Variants in FRMD5 observed in about 807,000 individuals in gnomAD.
FRMD5 encodes FERM domain containing 5.
In FRMD5, 20 loss-of-function variants were observed where a neutral mutation model predicts 69.0. The ratio of observed to expected loss-of-function variants is 0.29; its 90% confidence interval spans 0.20 to 0.42. FRMD5 has a LOEUF of 0.42. FRMD5 is among the 10% of genes least tolerant of loss of function. FRMD5 has a pLI of 1.00. For synonymous variants in FRMD5, 271 were observed against 260.1 expected (o/e 1.04, Z -0.40); for missense variants, 595 against 708.6 (o/e 0.84, Z 1.82).
In FRMD5 at chr15:43,874,065, G is replaced by C. The variant is rs528068782; in HGVS notation, c.1533C>G (p.Leu511=). Residue 511 remains leucine (L), a synonymous_variant, in exon 14 of 14, where the codon CTC becomes CTG. Coordinates refer to ENST00000417257, the MANE Select transcript of FRMD5 (RefSeq NM_032892.5). ...VLRLLLVTMG[L]LFVLLLLLII... ...TCAGGAGGAGGAGCAAAACAAAGAG[G>C]AGTCCCATGGTCACAAGGAGCAAAC... is the stretch of plus-strand genomic sequence containing the variant. The C allele has an allele frequency of 3.2e-5, 52 of 1,614,076 alleles. No individual in the cohort carries two copies. In the South Asian group the frequency reaches 5.7e-4, roughly 18 times the overall value.
chr15:44,164,224 T>A (rs2077670426), intron 1 of FRMD5, among the ~76,000 whole-genome samples: 2 of 152,234 alleles, frequency 1.3e-5, no homozygotes, highest in African/African-American at 2.4e-5. Flanking sequence ...TAATGATAGC[T>A]TAACCTGAAA....
At chr15:44,088,867 G>A (rs1031394486) in intron 1 of FRMD5, among the ~76,000 whole-genome samples, 3 of 152,158 alleles carry the variant, frequency 2.0e-5, no homozygotes, top group African/African-American at 7.2e-5. Context: ...TCTGAACCCT[G>A]TTCAGTCTGA....
intron 1 of FRMD5, among the ~76,000 whole-genome samples, chr15:44,012,733 A>T (rs560801398): frequency 1.3e-5 from 2 of 151,536 alleles, no homozygotes; most frequent in East Asian, 3.9e-4. Flanking sequence ...TTCACCTAAA[A>T]CATTATTGGT....
At chr15:43,893,009 CAGG>C (rs2088828445) in intron 7 of FRMD5, among the ~76,000 whole-genome samples, 1 of 151,624 alleles carries the variant, frequency 6.6e-6, no homozygotes, top group South Asian at 2.1e-4. Context: ...GAGGCTGAGA[CAGG>C]AGAATTGCTT....
rs1194644496 is a variant in FRMD5 at position 43,909,422 on chromosome 15, CA to C, written c.427+459del. Among the ~76,000 whole-genome samples the C allele has an allele frequency of 6.0e-5, 9 of 149,878 alleles. No homozygotes were observed. In the East Asian group the frequency reaches 1.0e-3, roughly 17 times the overall value. ...CTCAAAAAAAACAAAACAAAACAAA[CA>C]AAAAAAACTCTCTAACTTGAACTCT... On this transcript the variant is annotated intron_variant, in intron 5 of 13. Transcript: ENST00000417257.
At chr15:44,030,482 C>T (rs1891632014) in intron 1 of FRMD5, among the ~76,000 whole-genome samples, 1 of 152,166 alleles carries the variant, frequency 6.6e-6, no homozygotes, top group Non-Finnish European at 1.5e-5. Context: ...TTAATGACTT[C>T]AAAGCCCTGG....
chr15:44,052,164 C>T (rs1036291496), intron 1 of FRMD5, among the ~76,000 whole-genome samples: 2 of 152,140 alleles, frequency 1.3e-5, no homozygotes, highest in Non-Finnish European at 2.9e-5. Flanking sequence ...TTTCTAGTCT[C>T]TCCAATTTAT....
intron 8 of FRMD5, among the ~76,000 whole-genome samples, chr15:43,889,848 G>A (rs567775470): frequency 2.6e-5 from 4 of 152,126 alleles, no homozygotes; most frequent in African/African-American, 7.2e-5. Flanking sequence ...CCCCCAAGGC[G>A]GTCTTGTCAT....
intron 1 of FRMD5, among the ~76,000 whole-genome samples, chr15:44,103,586 G>A: frequency 6.6e-6 from 1 of 152,122 alleles, no homozygotes; most frequent in East Asian, 1.9e-4. Context: ...AGTGGGTTTT[G>A]GTACATACAT....
At chr15:44,017,051 T>C (rs1436105572) in intron 1 of FRMD5, among the ~76,000 whole-genome samples, 2 of 151,800 alleles carry the variant, frequency 1.3e-5, no homozygotes, top group Admixed American at 6.6e-5. Context: ...ATTAAAAGCA[T>C]GAACTGGCCG....
chr15:44,171,604 T>C (rs141588202), intron 1 of FRMD5, among the ~76,000 whole-genome samples: 45 of 152,320 alleles, frequency 3.0e-4, no homozygotes, highest in African/African-American at 9.9e-4. Context: ...TTAAAGTATA[T>C]GACAACCTCT....
chr15:43,944,924 A>C (rs1252864735), intron 1 of FRMD5, among the ~76,000 whole-genome samples: 1 of 150,866 alleles, frequency 6.6e-6, no homozygotes, highest in Non-Finnish European at 1.5e-5. Flanking sequence ...GGTTTGATAG[A>C]AACTGTGGGT....
chr15:44,074,118 T>C (rs1893656289), intron 1 of FRMD5, among the ~76,000 whole-genome samples: 1 of 152,178 alleles, frequency 6.6e-6, no homozygotes, highest in African/African-American at 2.4e-5. Flanking sequence ...AAGTCATTTC[T>C]ACCTAACTCC....
At chr15:43,954,016 A>G (rs758151156) in intron 1 of FRMD5, among the ~76,000 whole-genome samples, 9 of 152,202 alleles carry the variant, frequency 5.9e-5, no homozygotes, top group Non-Finnish European at 1.0e-4. Context: ...ATTCTATGAA[A>G]AAGTTCTGTG....
chr15:43,886,451 G>A (rs561179024), intron 10 of FRMD5, among the ~76,000 whole-genome samples: 26 of 152,170 alleles, frequency 1.7e-4, no homozygotes, highest in Non-Finnish European at 7.3e-5. Context: ...GCTGCAGACA[G>A]CCGATGTGGA....
chr15:43,955,878 G>C (rs911768820), intron 1 of FRMD5, among the ~76,000 whole-genome samples: 1 of 151,948 alleles, frequency 6.6e-6, no homozygotes, highest in Non-Finnish European at 1.5e-5. Flanking sequence ...CAGAGTTTCA[G>C]ATGATAACTG....
intron 4 of FRMD5, among the ~76,000 whole-genome samples, chr15:43,914,819 G>A (rs957313939): frequency 2.1e-5 from 3 of 143,204 alleles, no homozygotes; most frequent in Non-Finnish European, 4.5e-5. Context: ...TCCACCTCCC[G>A]GGTTCAAGTG....
chr15:44,007,443 G>A (rs550686749), intron 1 of FRMD5, among the ~76,000 whole-genome samples: 2 of 152,090 alleles, frequency 1.3e-5, no homozygotes, highest in South Asian at 2.1e-4. Context: ...TTCATTTGGA[G>A]TTAATGTACA....
rs1295138931 is a variant in FRMD5, at chr15:44,171,215, C to G, written c.102+23738G>C. Among the ~76,000 whole-genome samples, 3 of 152,166 alleles carry G rather than the reference C, an allele frequency of 2.0e-5. No individual in the cohort carries two copies. The East Asian group carries it at 5.8e-4, about 29-fold the overall frequency. On this transcript the variant is annotated intron_variant, in intron 1 of 13. Transcript: ENST00000417257. Reference sequence around the variant, plus strand: ...GAATACAAAATATACTAAGTTATCACAGAATAGTGACAATTTTAGAATTTC... The same window carrying G: ...GAATACAAAATATACTAAGTTATCAGAGAATAGTGACAATTTTAGAATTTC...
Sources: gnomAD v4.1 joint callset for allele counts (sites outside exome capture counted in the v4.1 genomes callset) on GRCh38, gnomAD v4.1.1 for gene constraint, MANE v1.5 for transcripts, NCBI Gene and HGNC (gene_info 2026-07-23, HGNC 2026-07-21) for gene names.